Variants in CCNI2 observed in about 807,000 individuals in gnomAD.
CCNI2 encodes cyclin I family member 2.
In CCNI2, 32 loss-of-function variants were observed where a neutral mutation model predicts 33.2. That is an observed-to-expected ratio of 0.96 (90% CI 0.73 to 1.30). The LOEUF (loss-of-function observed/expected upper bound fraction) is 1.30. Among genes scored for constraint, CCNI2 ranks in the 50% most tolerant of loss-of-function variants. CCNI2 has a pLI of 0.00. For missense variants in CCNI2, 452 were observed against 486.2 expected (o/e 0.93, Z 0.66); for synonymous variants, 231 against 219.9 (o/e 1.05, Z -0.45).
At chr5:132,749,312 C>T (rs746502044) in intron 2 of CCNI2, 36 bp from the exon 3 acceptor site, 2 of 1,514,456 alleles carry the variant, frequency 1.3e-6, no homozygotes, top group Non-Finnish European at 1.8e-6. Context: ...TTCTGGCATT[C>T]ATATTCTGCT....
intron 5 of CCNI2, 133 bp from the exon 6 acceptor site, chr5:132,752,733 A>T (rs1452825892): frequency 1.5e-6 from 1 of 662,654 alleles, no homozygotes; most frequent in Non-Finnish European, 2.7e-6. Flanking sequence ...CTGAGATGGT[A>T]GGATTAGTGG....
rs1344425213 is a variant in CCNI2 at position 132,747,651 on chromosome 5, C to T, written c.156C>T (p.Asn52=). The change falls in exon 1 of 6, where the codon AAC becomes AAT. Residue 52 remains asparagine (N), a synonymous_variant. Coordinates refer to ENST00000378731, the MANE Select transcript of CCNI2 (RefSeq NM_001039780.4). The surrounding 1 kb of genome is among the most constrained non-coding windows in gnomAD (Gnocchi z 4.1). ...GGGAGGCCCCTCTGCCCCGAAGCAACCGGAGCAGGTGCCCTGGGACCCGCC... is the reference window on the plus strand; with the variant it reads ...GGGAGGCCCCTCTGCCCCGAAGCAATCGGAGCAGGTGCCCTGGGACCCGCC... ...SPGEAPLPRS[N]RSRCPGTRQP... The T allele has an allele frequency of 1.3e-6, 2 of 1,503,850 alleles. No homozygotes were observed. Among genetic ancestry groups the T allele is most frequent in the Non-Finnish European group, 1.8e-6 (2 of 1,133,364 alleles). 93.2% of individuals were successfully genotyped at this position (1,503,850 alleles called of 1,614,324 possible).
chr5:132,747,640 C>T lies in CCNI2; in HGVS notation c.145C>T (p.Pro49Ser). Residue 49 changes from proline (P) to serine (S), a missense_variant, in exon 1 of 6, where the codon CCC becomes TCC. Coordinates refer to ENST00000378731, the MANE Select transcript of CCNI2 (RefSeq NM_001039780.4). This position sits in a 1 kb window ranked among gnomAD's most constrained non-coding sequence, Gnocchi z 4.1. Reference protein sequence around the residue: ...LPPSPGEAPLPRSNRSRCPGT... With the variant: ...LPPSPGEAPLSRSNRSRCPGT... ...GCCGTCTCCGGGGGAGGCCCCTCTG[C>T]CCCGAAGCAACCGGAGCAGGTGCCC... 6.6e-7 allele frequency: 1 copy of T among 1,504,186 alleles called. No homozygotes were observed. The highest frequency in any genetic ancestry group is 8.8e-7 in the Non-Finnish European group (1 of 1,133,386). The allele number at this position is 1,504,186 out of a possible 1,614,324, so 93.2% of individuals were successfully genotyped here.
downstream of CCNI2, chr5:132,754,481 G>A (rs1243780464): frequency 2.8e-6 from 2 of 717,498 alleles, no homozygotes; most frequent in Non-Finnish European, 5.2e-6. Context: ...GGTGGCTATG[G>A]ATGTGAGCTG....
Position 132,748,480 on chromosome 5 carries a change from G to A in CCNI2, c.558+5G>A, listed in dbSNP as rs1016401868. 6.2e-7 allele frequency: 1 copy of A among 1,614,056 alleles called. No individual in the cohort carries two copies. Among genetic ancestry groups the A allele is most frequent in the East Asian group, 2.2e-5 (1 of 44,872 alleles). On this transcript the variant is annotated splice_donor_5th_base_variant and intron_variant, in intron 2 of 5. Transcript: ENST00000378731. ...CGCCTCCTGATTTCAGTGAAGGTAG[G>A]GAGGCCTCTGAGGGACGGTGGCAGA...
At chr5:132,752,511 C>T (rs1261547808) in intron 5 of CCNI2, among the ~76,000 whole-genome samples, 3 of 152,116 alleles carry the variant, frequency 2.0e-5, no homozygotes, top group African/African-American at 7.2e-5. Flanking sequence ...GAGGAAGCAA[C>T]CCTGAGCTTA....
intron 1 of CCNI2, 93 bp from the exon 2 acceptor site, chr5:132,748,254 C>A (rs1337341797): frequency 5.2e-6 from 8 of 1,533,410 alleles, no homozygotes; most frequent in African/African-American, 2.7e-5. Context: ...ACTGCCCCAC[C>A]CCCCGCACCT....
chr5:132,756,036 A>G, downstream of CCNI2: 1 of 985,338 alleles, frequency 1.0e-6, no homozygotes, highest in Non-Finnish European at 1.2e-6. Context: ...TGAAAAAAAT[A>G]AGTACAAAGT....
intron 2 of CCNI2, 68 bp downstream of exon 2, chr5:132,748,543 G>A (rs1436621840): frequency 6.3e-7 from 1 of 1,582,896 alleles, no homozygotes; most frequent in African/African-American, 1.4e-5. Context: ...CCCCATTCCT[G>A]CTTGAGAGGT....
intron 2 of CCNI2, among the ~76,000 whole-genome samples, chr5:132,748,910 C>T (rs1465275778): frequency 6.6e-6 from 1 of 152,140 alleles, no homozygotes; most frequent in African/African-American, 2.4e-5. Context: ...ACGGCACTAA[C>T]ATTCTGTCTT....
Position 132,753,283 on chromosome 5 carries a change from C to A in CCNI2, c.*313C>A, listed in dbSNP as rs544202961. ...AGCTTGTTTTACCTTCCTTCTCCAGCAAGGGTTGGCATTGGCCCCTGGGAG... is the reference window on the plus strand; with the variant it reads ...AGCTTGTTTTACCTTCCTTCTCCAGAAAGGGTTGGCATTGGCCCCTGGGAG... On this transcript the variant is annotated 3_prime_UTR_variant, in exon 6 of 6. Coordinates refer to ENST00000378731, the MANE Select transcript of CCNI2 (RefSeq NM_001039780.4). The A allele has an allele frequency of 6.2e-5, 20 of 322,248 alleles. 1 individual carries two copies. In the South Asian group the frequency reaches 9.2e-4, roughly 15 times the overall value. The allele number at this position is 322,248 out of a possible 1,614,324, so 20.0% of individuals were successfully genotyped here.
Position 132,748,327 on chromosome 5 carries a change from CCTG to C in CCNI2, c.430-17_430-15del, listed in dbSNP as rs749124322. 3.2e-5 allele frequency: 51 copies of C among 1,613,578 alleles called. No individual in the cohort carries two copies. In the African/African-American group the frequency reaches 6.0e-4, roughly 19 times the overall value. ...GCCGCTAGCGACCTTCCTCGCCCCACCTGCTCTTCTTCCTAGCAGGATGAAATC... is the reference window on the plus strand; with the variant it reads ...GCCGCTAGCGACCTTCCTCGCCCCACCTCTTCTTCCTAGCAGGATGAAATC... On this transcript the variant is annotated splice_polypyrimidine_tract_variant and intron_variant, in intron 1 of 5. Coordinates refer to ENST00000378731, the MANE Select transcript of CCNI2 (RefSeq NM_001039780.4).
chr5:132,749,816 G>C (rs1359899348), intron 3 of CCNI2, among the ~76,000 whole-genome samples: 1 of 152,190 alleles, frequency 6.6e-6, no homozygotes, highest in Non-Finnish European at 1.5e-5. Context: ...GAGACTTGAG[G>C]ACTTGGCTGT....
At position 132,752,076 on chromosome 5, in the gene CCNI2, G is replaced by A. The variant is rs371030907; in HGVS notation, c.885G>A (p.Ala295=). The change falls in exon 5 of 6, where the codon GCG becomes GCA. Residue 295 remains alanine (A), a synonymous_variant. Transcript: ENST00000378731. ...SLTRQLQHCM[A]GHQLLQFKGS... is the part of the protein sequence containing the mutation. ...CCAGGCAGCTGCAGCACTGTATGGCGGGCCACCAGCTGCTGCAGTTCAAGG... is the reference window on the plus strand; with the variant it reads ...CCAGGCAGCTGCAGCACTGTATGGCAGGCCACCAGCTGCTGCAGTTCAAGG... 5.4e-5 allele frequency: 87 copies of A among 1,605,086 alleles called. No individual in the cohort carries two copies. The highest frequency in any genetic ancestry group is 7.2e-5 in the Non-Finnish European group (85 of 1,176,026).
Position 132,747,631 on chromosome 5 carries a change from G to A in CCNI2, c.136G>A (p.Ala46Thr). 1 of 1,500,830 alleles carries A rather than the reference G, an allele frequency of 6.7e-7. No homozygotes were observed. The highest frequency in any genetic ancestry group is 8.8e-7 in the Non-Finnish European group (1 of 1,131,624). 93.0% of individuals were successfully genotyped at this position (1,500,830 alleles called of 1,614,324 possible). A position where few individuals can be genotyped will look rare whatever the true frequency, so the allele number is the denominator to read the frequency against. Residue 46 changes from alanine (A) to threonine (T), a missense_variant, in exon 1 of 6, where the codon GCC (alanine) becomes ACC (threonine). By Grantham distance (58) the Ala-to-Thr change is moderately conservative. Coordinates refer to ENST00000378731, the MANE Select transcript of CCNI2 (RefSeq NM_001039780.4). The surrounding 1 kb of genome is among the most constrained non-coding windows in gnomAD (Gnocchi z 4.1). Reference protein sequence around the residue: ...GVPLPPSPGEAPLPRSNRSRC... With the variant: ...GVPLPPSPGETPLPRSNRSRC... The stretch of plus-strand genomic sequence containing the variant: ...TCCTCTCCCGCCGTCTCCGGGGGAG[G>A]CCCCTCTGCCCCGAAGCAACCGGAG...
chr5:132,748,530 G>T, intron 2 of CCNI2, 55 bp downstream of exon 2: 1 of 1,603,758 alleles, frequency 6.2e-7, no homozygotes. Context: ...ACTAACCTTT[G>T]CTCCCCATTC....
At position 132,753,915 on chromosome 5, in the gene CCNI2, C is replaced by T. The variant is rs1755081296; in HGVS notation, c.*945C>T. On this transcript the variant is annotated 3_prime_UTR_variant, in exon 6 of 6. Coordinates refer to ENST00000378731, the MANE Select transcript of CCNI2 (RefSeq NM_001039780.4). ...TGGGGGCATGAATGACTGAGCCACA[C>T]ATTCAGAGGTGGTTTGTGAAGTCTT... 1 of 144,022 alleles carries T rather than the reference C, an allele frequency of 6.9e-6. No individual in the cohort carries two copies. Among genetic ancestry groups the T allele is most frequent in the African/African-American group, 2.6e-5 (1 of 37,878 alleles). The allele number at this position is 144,022 out of a possible 1,614,324, so 8.9% of individuals were successfully genotyped here.
Position 132,752,031 on chromosome 5 carries a change from C to T in CCNI2, c.840C>T (p.Ser280=). ...VLELLPQRNP[S]LHVASLTRQL... ...AGCTGCTGCCTCAGAGGAATCCTTC[C>T]CTCCACGTCGCATCCCTGACCAGGC... Residue 280 remains serine (S), a synonymous_variant, in exon 5 of 6, where the codon TCC becomes TCT. Transcript: ENST00000378731. 6.2e-7 allele frequency: 1 copy of T among 1,611,944 alleles called. No homozygotes were observed. Among genetic ancestry groups the T allele is most frequent in the East Asian group, 2.2e-5 (1 of 44,848 alleles).
At chr5:132,749,964 G>T (rs1419127988) in intron 3 of CCNI2, among the ~76,000 whole-genome samples, 1 of 152,090 alleles carries the variant, frequency 6.6e-6, no homozygotes, top group Admixed American at 6.5e-5. Flanking sequence ...CATCTGTTCA[G>T]GAGGAGATCA....
Sources: gnomAD v4.1 joint callset for allele counts (sites outside exome capture counted in the v4.1 genomes callset) on GRCh38, gnomAD v4.1.1 for gene constraint, Gnocchi (gnomAD v3.1) non-coding constraint, MANE v1.5 for transcripts, NCBI Gene and HGNC (gene_info 2026-07-23, HGNC 2026-07-21) for gene names.